SYT16: variants seen among roughly 807,000 people sequenced by gnomAD.
SYT16 encodes synaptotagmin 16, also known as synaptotagmin-16.
SYT16 carries 42 observed loss-of-function variants against 61.4 expected under a neutral mutation model. The observed-to-expected ratio is 0.68, with a 90% CI of 0.53 to 0.89. The LOEUF is 0.89. Among genes scored for constraint, SYT16 ranks in the 40% least tolerant of loss-of-function variants. The pLI, the probability that SYT16 is intolerant of heterozygous loss-of-function variation, is 0.00. For synonymous variants in SYT16, 314 were observed against 302.3 expected, an observed-to-expected ratio of 1.04 and a Z score of -0.40; for missense variants, 804 against 807.3, an observed-to-expected ratio of 1.00 and a Z score of 0.05.
chr14:62,062,632 G>A (rs893915572), intron 3 of SYT16, among the ~76,000 whole-genome samples: 7 of 151,948 alleles, frequency 4.6e-5, no homozygotes, highest in East Asian at 3.8e-4. Context: ...AAATGTGGCC[G>A]TTTTTCCTAG....
intron 3 of SYT16, among the ~76,000 whole-genome samples, chr14:62,055,357 C>G (rs1035009350): frequency 5.3e-5 from 8 of 152,182 alleles, no homozygotes; most frequent in African/African-American, 1.9e-4. Flanking sequence ...CTAGGTGAAT[C>G]TTTTTGCAGT....
intron 5 of SYT16, among the ~76,000 whole-genome samples, chr14:62,079,935 G>C (rs2056647077): frequency 6.6e-6 from 1 of 152,168 alleles, no homozygotes; most frequent in South Asian, 2.1e-4. Flanking sequence ...GGTGGGAATA[G>C]ATATTTATGC....
intron 3 of SYT16, among the ~76,000 whole-genome samples, chr14:62,007,910 AT>A (rs540103183): frequency 0.03 from 4,601 of 151,624 alleles, 93 homozygotes; most frequent in South Asian, 0.075. Context: ...TCACTTGATA[AT>A]TTTTTTTTAA....
intron 3 of SYT16, among the ~76,000 whole-genome samples, chr14:62,067,492 G>A (rs997069701): frequency 9.2e-5 from 14 of 152,156 alleles, no homozygotes; most frequent in African/African-American, 3.4e-4. Context: ...CGGCCTGTTG[G>A]AGAAACTGAA....
In SYT16 at chr14:62,108,033, T is replaced by A. The variant is rs953866464; in HGVS notation, c.*7326T>A. 2 of 152,082 alleles carry A rather than the reference T, an allele frequency of 1.3e-5. No individual in the cohort carries two copies. Among genetic ancestry groups the A allele is most frequent in the African/African-American group, 4.8e-5 (2 of 41,400 alleles). 9.4% of individuals were successfully genotyped at this position (152,082 alleles called of 1,614,324 possible). On this transcript the variant is annotated 3_prime_UTR_variant, in exon 8 of 8. Transcript: ENST00000683842. ...TAACAGTAGCCGCCAGAGAAAGAGG[T>A]GACAATCTAAACAAAGAGCCCTGCT...
intron 2 of SYT16, among the ~76,000 whole-genome samples, chr14:61,978,611 C>CTATTGTTGAAA (rs2051921628): frequency 6.6e-6 from 1 of 152,158 alleles, no homozygotes; most frequent in Admixed American, 6.5e-5. Flanking sequence ...AAGGTGTGGC[C>CTATTGTTGAAA]AGGTGGAGAA....
intron 1 of SYT16, among the ~76,000 whole-genome samples, chr14:61,959,874 G>A (rs1595019435): frequency 1.3e-5 from 2 of 152,206 alleles, no homozygotes; most frequent in Non-Finnish European, 2.9e-5. Context: ...CTGTCACCCA[G>A]GCTGGAGTGC....
chr14:61,894,653 T>C (rs2048263354), intron 1 of SYT16, among the ~76,000 whole-genome samples: 1 of 152,102 alleles, frequency 6.6e-6, no homozygotes, highest in Non-Finnish European at 1.5e-5. Flanking sequence ...GAAGAACAAG[T>C]GTGCCGCTAG....
intron 1 of SYT16, among the ~76,000 whole-genome samples, chr14:61,847,137 C>T (rs1276861622): frequency 6.6e-6 from 1 of 152,148 alleles, no homozygotes; most frequent in Admixed American, 6.5e-5. Context: ...TTACTGTTAC[C>T]AGTGAGTTTT....
chr14:61,990,108 T>G (rs2052484981), intron 2 of SYT16, among the ~76,000 whole-genome samples: 1 of 152,196 alleles, frequency 6.6e-6, no homozygotes, highest in Admixed American at 6.5e-5. Flanking sequence ...GGAAAACACC[T>G]GTAGACTCCT....
intron 1 of SYT16, among the ~76,000 whole-genome samples, chr14:61,947,256 C>T (rs1438607779): frequency 7.6e-6 from 1 of 131,962 alleles, no homozygotes; most frequent in Non-Finnish European, 1.6e-5. Flanking sequence ...TGGCCTCTGA[C>T]TTTAGTCCTT....
intron 1 of SYT16, among the ~76,000 whole-genome samples, chr14:61,916,709 C>T (rs1431575100): frequency 6.6e-6 from 1 of 152,092 alleles, no homozygotes; most frequent in Non-Finnish European, 1.5e-5. Context: ...CTGTATTGGA[C>T]TCATTAACCA....
At chr14:61,909,697 G>A (rs76434141) in intron 1 of SYT16, among the ~76,000 whole-genome samples, 2,339 of 152,196 alleles carry the variant, frequency 0.015, 22 homozygotes, top group Middle Eastern at 0.024. Context: ...ATCTTTCTGG[G>A]TCCACCATTC....
chr14:62,069,406 T>G (rs1252841607), intron 3 of SYT16, 197 bp from the exon 4 acceptor site: 1 of 593,092 alleles, frequency 1.7e-6, no homozygotes, highest in African/African-American at 1.9e-5. Context: ...TATTTCTAAT[T>G]ACCTTCATGA....
At chr14:61,882,364 A>C (rs1401304164) in intron 1 of SYT16, among the ~76,000 whole-genome samples, 1 of 152,210 alleles carries the variant, frequency 6.6e-6, no homozygotes, top group African/African-American at 2.4e-5. Flanking sequence ...GAAATACCCA[A>C]GACTTCTTCA....
intron 3 of SYT16, among the ~76,000 whole-genome samples, chr14:62,014,887 T>C (rs2053606844): frequency 6.6e-6 from 1 of 152,254 alleles, no homozygotes; most frequent in Non-Finnish European, 1.5e-5. Context: ...CCTTCAATGA[T>C]TTATGTCTAC....
Position 62,033,368 on chromosome 14 carries a change from C to T in SYT16, c.524-36235C>T, listed in dbSNP as rs112464904. The stretch of plus-strand genomic sequence containing the variant: ...ATCATATGAGGGATATCTTTCCTCC[C>T]CGGCCTGTTGCACAAAGCACAGGAA... On this transcript the variant is annotated intron_variant, in intron 3 of 7. Coordinates refer to ENST00000683842, the MANE Select transcript of SYT16 (RefSeq NM_001367656.1). 1.9e-3 allele frequency among the ~76,000 whole-genome samples: 289 copies of T among 152,056 alleles called. 1 individual carries two copies. The highest frequency in any genetic ancestry group is 6.7e-3 in the African/African-American group (277 of 41,484).
chr14:62,075,531 A>C, intron 5 of SYT16, 140 bp downstream of exon 5: 1 of 918,342 alleles, frequency 1.1e-6, no homozygotes, highest in Non-Finnish European at 1.5e-6. Context: ...TTTTGTCCAG[A>C]TGACCAAAAT....
chr14:61,956,990 A>C (rs1475555039), intron 1 of SYT16, among the ~76,000 whole-genome samples: 6 of 151,704 alleles, frequency 4.0e-5, no homozygotes, highest in Non-Finnish European at 5.9e-5. Flanking sequence ...TTCTTTCATC[A>C]ATGTTTTGTA....
Sources: allele counts gnomAD v4.1 joint callset (sites outside exome capture counted in the v4.1 genomes callset), GRCh38; gene constraint gnomAD v4.1.1; transcripts MANE v1.5; gene names NCBI Gene and HGNC (gene_info 2026-07-23, HGNC 2026-07-21).